The following EXOC7 variants were observed in gnomAD, a reference collection of about 807,000 sequenced individuals.
EXOC7 encodes exocyst complex component Exo70.
In EXOC7, 51 loss-of-function variants were observed where a neutral mutation model predicts 87.6. The observed-to-expected ratio is 0.58, with a 90% CI of 0.46 to 0.73. EXOC7 has a LOEUF of 0.73. Among genes scored for constraint, EXOC7 ranks in the 30% least tolerant of loss-of-function variants. The pLI, the probability that EXOC7 is intolerant of heterozygous loss-of-function variation, is 0.00. For missense variants in EXOC7, 744 were observed against 888.4 expected, an observed-to-expected ratio of 0.84 and a Z score of 2.07; for synonymous variants, 327 against 357.1, an observed-to-expected ratio of 0.92 and a Z score of 0.95.
intron 12 of EXOC7, chr17:76,087,036 T>G (rs1056153561): frequency 4.3e-5 from 29 of 669,860 alleles, no homozygotes; most frequent in Non-Finnish European, 6.9e-5. Flanking sequence ...AAAACACAGA[T>G]AGCAAGACAC....
Position 76,082,907 on chromosome 17 carries a change from C to T in EXOC7, c.*741G>A. On this transcript the variant is annotated 3_prime_UTR_variant, in exon 19 of 19. Transcript: ENST00000589210. ...GCTCCTTAACTTTTCCCCATTGTCCCTGTCTCCCAGCCCACAGGCAGGCAG... is the reference window on the plus strand; with the variant it reads ...GCTCCTTAACTTTTCCCCATTGTCCTTGTCTCCCAGCCCACAGGCAGGCAG... The T allele has an allele frequency of 2.9e-6, 1 of 341,204 alleles. No individual in the cohort carries two copies. Among genetic ancestry groups the T allele is most frequent in the Non-Finnish European group, 5.3e-6 (1 of 189,038 alleles). The allele number at this position is 341,204 out of a possible 1,614,324, so 21.1% of individuals were successfully genotyped here.
intron 7 of EXOC7, chr17:76,089,648 C>T: frequency 5.4e-6 from 2 of 370,902 alleles, no homozygotes; most frequent in Non-Finnish European, 1.0e-5. Flanking sequence ...GTGGTTTGAC[C>T]CCAGGACTGA....
intron 10 of EXOC7, 144 bp downstream of exon 10, chr17:76,088,320 C>T: frequency 1.0e-6 from 1 of 952,728 alleles, no homozygotes; most frequent in Non-Finnish European, 1.6e-6. Context: ...GAAAGGAAGG[C>T]ACATGGGTGC....
chr17:76,101,777 C>T lies in EXOC7; in HGVS notation c.213G>A (p.Gln71=), dbSNP rs1261031764. 6.2e-7 allele frequency: 1 copy of T among 1,614,150 alleles called. No homozygotes were observed. The highest frequency in any genetic ancestry group is 1.7e-5 in the Admixed American group (1 of 60,016). Residue 71 remains glutamine (Q), a synonymous_variant, in exon 3 of 19, where the codon CAG becomes CAA. Transcript: ENST00000589210. The stretch of plus-strand genomic sequence containing the variant: ...TCTTCTCAACATTCTCCTGCAGCCG[C>T]TGCAGATTCTCCGTCTGCTTGTGCA... The part of the protein sequence containing the change: ...IPVHKQTENL[Q]RLQENVEKTL...
In EXOC7 at chr17:76,082,418, G is replaced by C; in HGVS notation, c.*1230C>G. 3 of 1,541,948 alleles carry C rather than the reference G, an allele frequency of 1.9e-6. No homozygotes were observed. Among genetic ancestry groups the C allele is most frequent in the Non-Finnish European group, 2.6e-6 (3 of 1,141,112 alleles). The stretch of plus-strand genomic sequence containing the variant: ...GGGTTCGCTCTTCCGCTCATGTTGA[G>C]GGGACCTTGAAGAACAGCTCCTTTC... On this transcript the variant is annotated 3_prime_UTR_variant, in exon 19 of 19. Coordinates refer to ENST00000589210, the MANE Select transcript of EXOC7 (RefSeq NM_001013839.4).
chr17:76,090,610 G>T, intron 7 of EXOC7: 1 of 847,630 alleles, frequency 1.2e-6, no homozygotes, highest in Non-Finnish European at 1.8e-6. Flanking sequence ...TGAGCACCCA[G>T]GACCGTCCTT....
chr17:76,085,571 T>G, intron 14 of EXOC7, 106 bp downstream of exon 14: 2 of 1,562,096 alleles, frequency 1.3e-6, no homozygotes, highest in Non-Finnish European at 1.8e-6. Flanking sequence ...AAGCACCCCC[T>G]CCCCTCTCGT....
Position 76,083,742 on chromosome 17 carries a change from C to T in EXOC7, c.1961G>A (p.Ser654Asn). Residue 654 changes from serine to asparagine, a missense_variant, in exon 19 of 19, where the codon AGC becomes AAC. Physicochemically the swap from Ser to Asn is conservative, Grantham distance 46. Around this residue, in one of 3 missense-constraint regions of EXOC7, gnomAD observed 228 missense variants for 298.6 expected, o/e 0.76. Coordinates refer to ENST00000589210, the MANE Select transcript of EXOC7 (RefSeq NM_001013839.4). ...TYGAFLQKFG[S>N]VPFTKNPEKY... The stretch of plus-strand genomic sequence containing the variant: ...CTCCGGGTTCTTGGTGAAGGGCACG[C>T]TGCCAAACCTGAGGAGGCACTGTGG... 1.2e-6 allele frequency: 2 copies of T among 1,613,050 alleles called. No individual in the cohort carries two copies. The highest frequency in any genetic ancestry group is 1.7e-6 in the Non-Finnish European group (2 of 1,179,976).
chr17:76,098,599 C>A (rs529573940), intron 4 of EXOC7, among the ~76,000 whole-genome samples: 1 of 151,802 alleles, frequency 6.6e-6, no homozygotes, highest in South Asian at 2.1e-4. Flanking sequence ...CGGTGGCTCA[C>A]GCCTGTAATC....
At chr17:76,084,644 C>A in intron 15 of EXOC7, 64 bp from the exon 16 acceptor site, 1 of 1,473,486 alleles carries the variant, frequency 6.8e-7, no homozygotes, top group Admixed American at 1.8e-5. Context: ...TGGCTTGTTT[C>A]GTTTGCTAAA....
rs1212171352 is a variant in EXOC7 at position 76,084,153 on chromosome 17, A to C, written c.1819-14T>G. 6.3e-6 allele frequency: 10 copies of C among 1,592,434 alleles called. No homozygotes were observed. The South Asian group carries it at 1.1e-4, about 18-fold the overall frequency. On this transcript the variant is annotated splice_polypyrimidine_tract_variant and intron_variant, in intron 17 of 18. Coordinates refer to ENST00000589210, the MANE Select transcript of EXOC7 (RefSeq NM_001013839.4). Reference sequence around the variant, plus strand: ...ATCATTGAAGCCCTGGCCACCAAAAAGGTGAAAAAGGAAGGCACCCAGAGA... The same window carrying C: ...ATCATTGAAGCCCTGGCCACCAAAACGGTGAAAAAGGAAGGCACCCAGAGA...
At chr17:76,101,229 T>C (rs746549370) in intron 4 of EXOC7, 42 bp downstream of exon 4, 1 of 1,614,116 alleles carries the variant, frequency 6.2e-7, no homozygotes, top group South Asian at 1.1e-5. Flanking sequence ...GGGCAGAGAC[T>C]GATATCCCCA....
intron 12 of EXOC7, among the ~76,000 whole-genome samples, chr17:76,086,686 A>C (rs886877336): frequency 3.3e-5 from 5 of 152,122 alleles, no homozygotes; most frequent in African/African-American, 1.2e-4. Flanking sequence ...GGATAAGCTC[A>C]GAGACAGAGT....
chr17:76,090,461 T>A, intron 7 of EXOC7: 1 of 1,551,604 alleles, frequency 6.4e-7, no homozygotes, highest in South Asian at 1.2e-5. Context: ...AGGCCGCCCC[T>A]TGGGGTACAG....
rs374625380 is a variant in EXOC7 at position 76,081,796 on chromosome 17, C to T, written c.*1852G>A. 7.6e-4 allele frequency: 1,233 copies of T among 1,613,220 alleles called. 17 individuals are homozygous for T. The South Asian group carries it at 9.7e-3, about 13-fold the overall frequency. ...TTACCCAGTCTGCCCTGTTTCTCCC[C>T]GGTCACCCACTGGTGCTCAGCTCGC... is the stretch of plus-strand genomic sequence containing the variant. On this transcript the variant is annotated 3_prime_UTR_variant, in exon 19 of 19. Coordinates refer to ENST00000589210, the MANE Select transcript of EXOC7 (RefSeq NM_001013839.4).
At chr17:76,088,658 C>A in intron 9 of EXOC7, 96 bp from the exon 10 acceptor site, 1 of 1,594,988 alleles carries the variant, frequency 6.3e-7, no homozygotes. Flanking sequence ...CATGCACCTT[C>A]AGAGCAGAAG....
chr17:76,099,454 C>A (rs530635880), intron 4 of EXOC7, among the ~76,000 whole-genome samples: 217 of 152,200 alleles, frequency 1.4e-3, no homozygotes, highest in South Asian at 2.7e-3. Context: ...TTGCAGTGAG[C>A]CAAGATTGCG....
Position 76,091,221 on chromosome 17 carries a change from C to G in EXOC7, c.823G>C (p.Ala275Pro). Residue 275 changes from alanine to proline, a missense_variant, in exon 7 of 19, where the codon GCT becomes CCT. Transcript: ENST00000589210. ...PVKRPGTIRK[A>P]QNLLKQYSQH... ...GAATACTGTTTCAGAAGGTTCTGAG[C>G]CTTACGGATCGTCCCTGTCACCAGA... 6.2e-7 allele frequency: 1 copy of G among 1,614,114 alleles called. No homozygotes were observed. Among genetic ancestry groups the G allele is most frequent in the Non-Finnish European group, 8.5e-7 (1 of 1,180,014 alleles).
intron 15 of EXOC7, chr17:76,084,816 A>C: frequency 3.5e-6 from 2 of 570,018 alleles, no homozygotes; most frequent in Non-Finnish European, 6.3e-6. Flanking sequence ...AATACTGTCA[A>C]CTATACTTCA....
Sources: gnomAD v4.1 joint callset for allele counts (sites outside exome capture counted in the v4.1 genomes callset) on GRCh38, gnomAD v4.1.1 for gene constraint, gnomAD v4.1.1 regional missense constraint, MANE v1.5 for transcripts, NCBI Gene and HGNC (gene_info 2026-07-23, HGNC 2026-07-21) for gene names.